Variants in SLC38A2 observed in about 807,000 individuals in gnomAD.
SLC38A2 encodes the protein solute carrier family 38 member 2.
SLC38A2 carries 11 observed loss-of-function variants against 61.5 expected under a neutral mutation model. The observed-to-expected ratio is 0.18, with a 90% CI of 0.11 to 0.30. SLC38A2 has a LOEUF of 0.30. Among genes scored for constraint, SLC38A2 ranks in the 10% least tolerant of loss-of-function variants. The pLI is 1.00. For synonymous variants in SLC38A2, 217 were observed against 212.5 expected, an observed-to-expected ratio of 1.02 and a Z score of -0.18; for missense variants, 522 against 600.4, an observed-to-expected ratio of 0.87 and a Z score of 1.36.
intron 4 of SLC38A2, among the ~76,000 whole-genome samples, chr12:46,368,193 A>G (rs984088047): frequency 7.2e-5 from 11 of 152,204 alleles, no homozygotes. Flanking sequence ...GAGGCACTAC[A>G]AGCTTTACTA....
chr12:46,370,839 A>G lies in SLC38A2; in HGVS notation c.135T>C (p.Asp45=). The G allele has an allele frequency of 1.9e-6, 3 of 1,611,594 alleles. No individual in the cohort carries two copies. The South Asian group carries it at 3.3e-5, about 18-fold the overall frequency. ...CAAGTAAAAAGTTCTGGTTTTCAGG[A>G]TCTACATCTGCATAATGGCTGCAAA... ...AALKSHYADV[D]PENQNFLLES... is the part of the protein sequence containing the mutation. The change falls in exon 3 of 16, where the codon GAT becomes GAC. Residue 45 remains aspartate (D), a synonymous_variant. Coordinates refer to ENST00000256689, the MANE Select transcript of SLC38A2 (RefSeq NM_018976.5).
Position 46,359,232 on chromosome 12 carries a change from G to A in SLC38A2, c.*1879C>T, listed in dbSNP as rs1174243605. The A allele has an allele frequency of 6.6e-6, 1 of 152,496 alleles. No homozygotes were observed. The highest frequency in any genetic ancestry group is 1.5e-5 in the Non-Finnish European group (1 of 68,018). The allele number at this position is 152,496 out of a possible 1,614,324, so 9.4% of individuals were successfully genotyped here. A position where few individuals can be genotyped will look rare whatever the true frequency, so the allele number is the denominator to read the frequency against. On this transcript the variant is annotated 3_prime_UTR_variant, in exon 16 of 16. Coordinates refer to ENST00000256689, the MANE Select transcript of SLC38A2 (RefSeq NM_018976.5). ...TAGAGGTGAGGTTCTGCATTCGAAT[G>A]GAGTGCCTAAAGCCCAATTAAATGA...
Position 46,359,181 on chromosome 12 carries a change from C to T in SLC38A2, c.*1930G>A, listed in dbSNP as rs1000864776. On this transcript the variant is annotated 3_prime_UTR_variant, in exon 16 of 16. Coordinates refer to ENST00000256689, the MANE Select transcript of SLC38A2 (RefSeq NM_018976.5). ...CAGCAACTCTTTCCAGGAGCTCATGCAAATTTGCCAATTCTTGGTCTCAAC... is the reference window on the plus strand; with the variant it reads ...CAGCAACTCTTTCCAGGAGCTCATGTAAATTTGCCAATTCTTGGTCTCAAC... 1.3e-5 allele frequency: 2 copies of T among 152,230 alleles called. No homozygotes were observed. Among genetic ancestry groups the T allele is most frequent in the Non-Finnish European group, 2.9e-5 (2 of 67,992 alleles). The allele number at this position is 152,230 out of a possible 1,614,324, so 9.4% of individuals were successfully genotyped here. A position where few individuals can be genotyped will look rare whatever the true frequency, so the allele number is the denominator to read the frequency against.
Position 46,366,891 on chromosome 12 carries a change from G to A in SLC38A2, c.536C>T (p.Ala179Val). The A allele has an allele frequency of 6.2e-7, 1 of 1,613,766 alleles. No individual in the cohort carries two copies. Among genetic ancestry groups the A allele is most frequent in the Non-Finnish European group, 8.5e-7 (1 of 1,179,930 alleles). Residue 179 changes from alanine to valine, a missense_variant, in exon 7 of 16, where the codon GCA becomes GTA. Ala to Val is a moderately conservative substitution (Grantham distance 64). Coordinates refer to ENST00000256689, the MANE Select transcript of SLC38A2 (RefSeq NM_018976.5). ...AGTTTTATCTTCAATGTTCGTTAATGCCTGGATCACCAAAGGCAACTCATA... is the reference window on the plus strand; with the variant it reads ...AGTTTTATCTTCAATGTTCGTTAATACCTGGATCACCAAAGGCAACTCATA... ...VKYELPLVIQ[A>V]LTNIEDKTGL... is the part of the protein sequence containing the mutation.
chr12:46,370,718 A>C, intron 3 of SLC38A2, 58 bp downstream of exon 3: 1 of 1,540,296 alleles, frequency 6.5e-7, no homozygotes, highest in South Asian at 1.1e-5. Context: ...TTCTAAAAGT[A>C]AAACTATTCT....
Position 46,372,520 on chromosome 12 carries a change from C to CT in SLC38A2, c.-99dup. ...CCCGCACGCGTTACCTCGGTGGTCTCTATTCTCACGCAGACGTCTTCAGTG... is the reference window on the plus strand; with the variant it reads ...CCCGCACGCGTTACCTCGGTGGTCTCTTATTCTCACGCAGACGTCTTCAGTG... On this transcript the variant is annotated 5_prime_UTR_variant, in exon 1 of 16. Coordinates refer to ENST00000256689, the MANE Select transcript of SLC38A2 (RefSeq NM_018976.5). 2.6e-6 allele frequency: 1 copy of CT among 389,142 alleles called. No individual in the cohort carries two copies. The highest frequency in any genetic ancestry group is 1.4e-4 in the South Asian group (1 of 7,040). The allele number at this position is 389,142 out of a possible 1,614,324, so 24.1% of individuals were successfully genotyped here.
Position 46,370,876 on chromosome 12 carries a change from T to C in SLC38A2, c.117-19A>G, listed in dbSNP as rs896372053. 6.4e-7 allele frequency: 1 copy of C among 1,565,256 alleles called. No homozygotes were observed. The highest frequency in any genetic ancestry group is 1.2e-5 in the South Asian group (1 of 86,454). ...ATAATGGCTGCAAAAAATATAGACA[T>C]ATATAATTGTAAACTGGATTGAAAT... On this transcript the variant is annotated intron_variant, in intron 2 of 15. Coordinates refer to ENST00000256689, the MANE Select transcript of SLC38A2 (RefSeq NM_018976.5).
rs750738844 is a variant in SLC38A2 at position 46,366,896 on chromosome 12, G to C, written c.531C>G (p.Ile177Met). The change falls in exon 7 of 16, where the codon ATC becomes ATG. Residue 177 changes from isoleucine to methionine, a missense_variant. Ile to Met is a conservative substitution (Grantham distance 10, BLOSUM62 1). Coordinates refer to ENST00000256689, the MANE Select transcript of SLC38A2 (RefSeq NM_018976.5). ...FIVKYELPLV[I>M]QALTNIEDKT... ...TATCTTCAATGTTCGTTAATGCCTG[G>C]ATCACCAAAGGCAACTCATATTTCA... 3 of 1,613,720 alleles carry C rather than the reference G, an allele frequency of 1.9e-6. No individual in the cohort carries two copies. The highest frequency in any genetic ancestry group is 3.3e-5 in the Admixed American group (2 of 59,944).
chr12:46,360,929 T>C lies in SLC38A2; in HGVS notation c.*182A>G, dbSNP rs1017540370. 8.9e-6 allele frequency: 5 copies of C among 561,008 alleles called. No homozygotes were observed. Among genetic ancestry groups the C allele is most frequent in the Non-Finnish European group, 1.6e-5 (5 of 319,330 alleles). 34.8% of individuals were successfully genotyped at this position (561,008 alleles called of 1,614,324 possible). A position where few individuals can be genotyped will look rare whatever the true frequency, so the allele number is the denominator to read the frequency against. On this transcript the variant is annotated 3_prime_UTR_variant, in exon 16 of 16. Transcript: ENST00000256689. ...TTCATATCCATTTCTAACATACAGA[T>C]AAGTTTCTTAAAAAAACAAAACAAA...
chr12:46,368,159 A>G (rs1438183486), intron 4 of SLC38A2, among the ~76,000 whole-genome samples: 1 of 152,156 alleles, frequency 6.6e-6, no homozygotes, highest in Non-Finnish European at 1.5e-5. Context: ...GGGAAATGAC[A>G]CTAACATGAT....
At chr12:46,362,245 A>AACAG in intron 15 of SLC38A2, 39 bp downstream of exon 15, 1 of 1,447,190 alleles carries the variant, frequency 6.9e-7, no homozygotes, top group Non-Finnish European at 9.4e-7. Flanking sequence ...GAAATTTATG[A>AACAG]TATTATTACT....
At position 46,358,232 on chromosome 12, in the gene SLC38A2, T is replaced by C. The variant is rs915604790; in HGVS notation, c.*2879A>G. 1.3e-5 allele frequency: 2 copies of C among 152,670 alleles called. No homozygotes were observed. The highest frequency in any genetic ancestry group is 4.8e-5 in the African/African-American group (2 of 41,460). The allele number at this position is 152,670 out of a possible 1,614,324, so 9.5% of individuals were successfully genotyped here. A position where few individuals can be genotyped will look rare whatever the true frequency, so the allele number is the denominator to read the frequency against. On this transcript the variant is annotated 3_prime_UTR_variant, in exon 16 of 16. Coordinates refer to ENST00000256689, the MANE Select transcript of SLC38A2 (RefSeq NM_018976.5). The stretch of plus-strand genomic sequence containing the variant: ...TATTTTAGTTCAGTTAAAACAAACA[T>C]ACATTGTTTCATTGAAACGGTGTAG...
chr12:46,370,184 A>C (rs1295272466), intron 4 of SLC38A2, among the ~76,000 whole-genome samples: 1 of 152,210 alleles, frequency 6.6e-6, no homozygotes, highest in Non-Finnish European at 1.5e-5. Context: ...TGCCAAAACA[A>C]AATTTATACC....
At chr12:46,370,435 TTCAGTTTC>T in intron 4 of SLC38A2, 69 bp downstream of exon 4, 2 of 1,092,202 alleles carry the variant, frequency 1.8e-6, no homozygotes, top group Non-Finnish European at 2.8e-6. Context: ...CAACTGTAAA[TTCAGTTTC>T]TGGAGCCAAA....
rs1469907743 is a variant in SLC38A2 at position 46,368,357 on chromosome 12, C to T, written c.315-1017G>A. Among the ~76,000 whole-genome samples, 3 of 152,180 alleles carry T rather than the reference C, an allele frequency of 2.0e-5. No homozygotes were observed. The East Asian group carries it at 5.8e-4, about 29-fold the overall frequency. On this transcript the variant is annotated intron_variant, in intron 4 of 15. Coordinates refer to ENST00000256689, the MANE Select transcript of SLC38A2 (RefSeq NM_018976.5). ...TTGACTGTCTCTAAGCCTTTCCTCC[C>T]TTGACCCTTTCACTTGGATTGAGCA... is the stretch of plus-strand genomic sequence containing the variant.
intron 4 of SLC38A2, among the ~76,000 whole-genome samples, chr12:46,368,515 TAC>T (rs1943162327): frequency 6.6e-6 from 1 of 152,164 alleles, no homozygotes; most frequent in African/African-American, 2.4e-5. Context: ...AGCCCAGAGA[TAC>T]AGACTAATTT....
intron 6 of SLC38A2, 22 bp from the exon 7 acceptor site, chr12:46,366,967 CCATTA>C (rs768297657): frequency 1.2e-6 from 2 of 1,611,946 alleles, no homozygotes; most frequent in Non-Finnish European, 1.7e-6. Context: ...CAAAATTATA[CCATTA>C]CAAGTGCAAA....
Position 46,361,204 on chromosome 12 carries a change from C to G in SLC38A2, c.1428G>C (p.Leu476Phe). Residue 476 changes from leucine (L) to phenylalanine (F), a missense_variant, in exon 16 of 16, where the codon TTG (leucine) becomes TTC (phenylalanine). By Grantham distance (22) the Leu-to-Phe change is conservative. Transcript: ENST00000256689. ...PMKSVQKIGA[L>F]FFLLSGVLVM... ...CCAGTACACCACTTAACAGGAAGAA[C>G]AAAGCCTGCAAAGAGCATAGAGAAA... is the stretch of plus-strand genomic sequence containing the variant. 6.2e-7 allele frequency: 1 copy of G among 1,612,592 alleles called. No individual in the cohort carries two copies. Among genetic ancestry groups the G allele is most frequent in the Non-Finnish European group, 8.5e-7 (1 of 1,179,104 alleles).
At position 46,367,238 on chromosome 12, in the gene SLC38A2, T is replaced by C. The variant is rs371369358; in HGVS notation, c.388+29A>G. On this transcript the variant is annotated intron_variant, in intron 5 of 15. Transcript: ENST00000256689. Reference sequence around the variant, plus strand: ...GAAATAAAATGATAGGTATACATTGTTTTAGAAAAATCAAGAATGCTATCA... The same window carrying C: ...GAAATAAAATGATAGGTATACATTGCTTTAGAAAAATCAAGAATGCTATCA... 59 of 1,587,350 alleles carry C rather than the reference T, an allele frequency of 3.7e-5. No homozygotes were observed. The Admixed American group carries it at 9.4e-4, about 25-fold the overall frequency.
Sources: gnomAD v4.1 joint callset for allele counts (sites outside exome capture counted in the v4.1 genomes callset) on GRCh38, gnomAD v4.1.1 for gene constraint, MANE v1.5 for transcripts, NCBI Gene and HGNC (gene_info 2026-07-23, HGNC 2026-07-21) for gene names.